The following PRELID2 variants were observed in gnomAD, a reference collection of about 807,000 sequenced individuals.
PRELID2 encodes the protein PRELI domain containing 2.
In PRELID2, 25 loss-of-function variants were observed where a neutral mutation model predicts 28.4. The observed-to-expected ratio is 0.88, with a 90% CI of 0.64 to 1.23. The LOEUF (loss-of-function observed/expected upper bound fraction) is 1.23, where lower values mean the gene tolerates loss of function less well. PRELID2 is among the 50% of genes most tolerant of loss of function. The probability of loss-of-function intolerance (pLI) is 0.00; values close to 1 mark genes in which losing one functional copy is unlikely to be tolerated. For synonymous variants in PRELID2, 76 were observed against 71.6 expected (o/e 1.06, Z -0.31); for missense variants, 201 against 214.4 (o/e 0.94, Z 0.39).
the PRELID2 span, among the ~76,000 whole-genome samples, chr5:145,384,961 G>T: frequency 3.9e-5 from 6 of 152,154 alleles, no homozygotes; most frequent in East Asian, 1.2e-3. Context: ...TGAGATTTTG[G>T]GTGGGGACAA....
At chr5:145,631,004 T>C (rs533590322) in intron 1 of PRELID2, among the ~76,000 whole-genome samples, 131 of 152,336 alleles carry the variant, frequency 8.6e-4, no homozygotes, top group African/African-American at 3.0e-3. Context: ...TTTCCTCATA[T>C]GTGAAATGGG....
chr5:145,753,972 G>A (rs1301033987), downstream of PRELID2, among the ~76,000 whole-genome samples: 6 of 151,904 alleles, frequency 3.9e-5, no homozygotes, highest in Non-Finnish European at 8.8e-5. Context: ...TCTCGGGCTC[G>A]CAGGACTAGC....
the PRELID2 span, among the ~76,000 whole-genome samples, chr5:145,251,530 C>T: frequency 1.3e-5 from 2 of 152,040 alleles, no homozygotes; most frequent in African/African-American, 2.4e-5. Flanking sequence ...AGGAGACTAG[C>T]CTTGTGGCCT....
chr5:145,750,096 T>TA (rs200248400), intron 1 of PRELID2, among the ~76,000 whole-genome samples: 10 of 149,936 alleles, frequency 6.7e-5, no homozygotes, highest in Admixed American at 3.3e-4. Context: ...AAAATTAAAT[T>TA]AAAAAAAAAG....
intron 1 of PRELID2, among the ~76,000 whole-genome samples, chr5:145,722,639 C>T (rs902978007): frequency 6.6e-6 from 1 of 152,252 alleles, no homozygotes; most frequent in African/African-American, 2.4e-5. Flanking sequence ...GCTGGGACTA[C>T]AGGCACAGCA....
At chr5:145,428,295 C>A in the PRELID2 span, among the ~76,000 whole-genome samples, 1 of 152,224 alleles carries the variant, frequency 6.6e-6, no homozygotes, top group African/African-American at 2.4e-5. Context: ...GTGCCACAGG[C>A]TATTTGAGTT....
chr5:145,323,191 A>T, the PRELID2 span, among the ~76,000 whole-genome samples: 1 of 152,066 alleles, frequency 6.6e-6, no homozygotes, highest in Non-Finnish European at 1.5e-5. Flanking sequence ...AAAAAAAAAA[A>T]ATATGTGCAA....
chr5:145,629,932 T>C (rs1753908915), intron 1 of PRELID2, among the ~76,000 whole-genome samples: 1 of 152,172 alleles, frequency 6.6e-6, no homozygotes. Context: ...AATTAATTTA[T>C]CACATTAGCT....
intron 1 of PRELID2, among the ~76,000 whole-genome samples, chr5:145,661,341 T>G (rs1411566929): frequency 6.6e-6 from 1 of 152,156 alleles, no homozygotes; most frequent in African/African-American, 2.4e-5. Context: ...TATCTTTTAT[T>G]TGCGCCAAGT....
chr5:145,833,721 C>A (rs372842928), intron 1 of PRELID2, among the ~76,000 whole-genome samples: 1 of 152,234 alleles, frequency 6.6e-6, no homozygotes, highest in Non-Finnish European at 1.5e-5. Flanking sequence ...TACACCTTAT[C>A]GTTTAACAAA....
chr5:145,629,975 A>G (rs1240389778), intron 1 of PRELID2, among the ~76,000 whole-genome samples: 1 of 152,216 alleles, frequency 6.6e-6, no homozygotes, highest in Admixed American at 6.5e-5. Context: ...GTGAAGGAAA[A>G]CAAGGCATTT....
At chr5:145,410,433 C>T in the PRELID2 span, among the ~76,000 whole-genome samples, 1 of 152,090 alleles carries the variant, frequency 6.6e-6, no homozygotes, top group Non-Finnish European at 1.5e-5. Flanking sequence ...CATTATCATG[C>T]TGTTATGGAG....
chr5:145,756,222 T>C (rs1053919619), downstream of PRELID2, among the ~76,000 whole-genome samples: 19 of 152,160 alleles, frequency 1.2e-4, no homozygotes, highest in African/African-American at 4.3e-4. Context: ...TAACATCGTA[T>C]GGTCAGGATA....
chr5:145,728,885 C>G, intron 1 of PRELID2: 1 of 897,362 alleles, frequency 1.1e-6, no homozygotes, highest in Non-Finnish European at 1.9e-6. Flanking sequence ...GTGACATCTG[C>G]AGAGGTCCAA....
intron 1 of PRELID2, among the ~76,000 whole-genome samples, chr5:145,731,752 G>A (rs1283793806): frequency 1.3e-5 from 2 of 152,154 alleles, no homozygotes; most frequent in Admixed American, 6.6e-5. Context: ...GAAGGCACAG[G>A]CCATAAAGGT....
At chr5:145,659,294 C>A (rs190030446) in intron 1 of PRELID2, among the ~76,000 whole-genome samples, 1 of 152,344 alleles carries the variant, frequency 6.6e-6, no homozygotes, top group East Asian at 1.9e-4. Flanking sequence ...TGGAACTTGG[C>A]AGTTGGTTCC....
intron 1 of PRELID2, chr5:145,729,455 GTCT>G: frequency 3.1e-6 from 1 of 317,908 alleles, no homozygotes; most frequent in Non-Finnish European, 5.7e-6. Flanking sequence ...TCCTCACTTT[GTCT>G]TCTTTTTCTC....
intron 1 of PRELID2, among the ~76,000 whole-genome samples, chr5:145,493,452 T>C (rs1193813222): frequency 6.6e-6 from 1 of 152,216 alleles, no homozygotes; most frequent in East Asian, 1.9e-4. Flanking sequence ...ATTGCTTCAG[T>C]GTCCTGATTG....
At chr5:145,533,981 A>T (rs1202668892) in intron 1 of PRELID2, among the ~76,000 whole-genome samples, 1 of 152,076 alleles carries the variant, frequency 6.6e-6, no homozygotes, top group Non-Finnish European at 1.5e-5. Context: ...CAGTGATAGA[A>T]GTTGAAATTG....
Sources: allele counts gnomAD v4.1 joint callset (sites outside exome capture counted in the v4.1 genomes callset), GRCh38; gene constraint gnomAD v4.1.1; transcripts MANE v1.5; gene names NCBI Gene and HGNC (gene_info 2026-07-23, HGNC 2026-07-21).